MAGI2: variants seen among roughly 807,000 people sequenced by gnomAD.
MAGI2 encodes membrane-associated guanylate kinase, WW and PDZ domain-containing protein 2.
Under a neutral mutation model 133.3 loss-of-function variants are expected in MAGI2, and 35 were observed. The ratio of observed to expected loss-of-function variants is 0.26; its 90% CI spans 0.20 to 0.35. The LOEUF is 0.35. Among genes scored for constraint, MAGI2 ranks in the 10% least tolerant of loss-of-function variants. The pLI is 1.00. For missense variants in MAGI2, 1,636 were observed against 1,863.4 expected (o/e 0.88, Z 2.25); for synonymous variants, 729 against 710.6 (o/e 1.03, Z -0.41).
At chr7:78,359,462 T>C (rs1483214631) in intron 7 of MAGI2, 3 of 152,248 alleles carry the variant, frequency 2.0e-5, no homozygotes, top group African/African-American at 7.2e-5. Context: ...AAAAAAATAG[T>C]TCTTATCCAC....
intron 1 of MAGI2, among the ~76,000 whole-genome samples, chr7:79,402,981 A>G (rs2129164369): frequency 6.6e-6 from 1 of 152,282 alleles, no homozygotes; most frequent in East Asian, 1.9e-4. Context: ...CATCCATAAC[A>G]TGGAGATAAA....
chr7:78,323,187 A>T (rs1311559934), intron 9 of MAGI2, among the ~76,000 whole-genome samples: 2 of 152,196 alleles, frequency 1.3e-5, no homozygotes, highest in Non-Finnish European at 2.9e-5. Flanking sequence ...CTAGGCAAGA[A>T]TATCAAGTAT....
chr7:78,364,015 C>G (rs1169299929), intron 7 of MAGI2, among the ~76,000 whole-genome samples: 1 of 152,012 alleles, frequency 6.6e-6, no homozygotes, highest in East Asian at 1.9e-4. Flanking sequence ...ATTTCTTTCT[C>G]GTCTTTTCCT....
At chr7:79,122,656 T>A (rs576176880) in intron 1 of MAGI2, among the ~76,000 whole-genome samples, 80 of 152,180 alleles carry the variant, frequency 5.3e-4, no homozygotes, top group African/African-American at 1.9e-3. Context: ...TACTTTTTTT[T>A]TTTTTGAGAT....
intron 1 of MAGI2, among the ~76,000 whole-genome samples, chr7:79,156,086 A>G (rs1338992817): frequency 6.6e-6 from 1 of 151,968 alleles, no homozygotes; most frequent in Non-Finnish European, 1.5e-5. Context: ...GATTTTTTTT[A>G]TCTTCCCCAA....
intron 12 of MAGI2, among the ~76,000 whole-genome samples, chr7:78,192,633 T>C (rs1317688143): frequency 6.6e-6 from 1 of 151,970 alleles, no homozygotes; most frequent in East Asian, 1.9e-4. Flanking sequence ...TCCTTAATCT[T>C]CAGTGGTAGA....
chr7:78,255,235 T>C (rs916906025), intron 10 of MAGI2: 2 of 152,882 alleles, frequency 1.3e-5, no homozygotes, highest in Non-Finnish European at 2.9e-5. Flanking sequence ...GCTCAGAGCT[T>C]CTACCACACT....
intron 1 of MAGI2, among the ~76,000 whole-genome samples, chr7:79,207,249 T>C (rs1829132757): frequency 6.6e-6 from 1 of 151,886 alleles, no homozygotes; most frequent in Admixed American, 6.6e-5. Flanking sequence ...TACATAAAAG[T>C]GATCCAAATT....
intron 7 of MAGI2, among the ~76,000 whole-genome samples, chr7:78,351,420 A>C (rs1172972127): frequency 6.6e-6 from 1 of 151,954 alleles, no homozygotes; most frequent in Non-Finnish European, 1.5e-5. Context: ...GAAAAGTGTG[A>C]ATAAGGAAAA....
At chr7:78,686,416 T>C (rs764046770) in intron 2 of MAGI2, among the ~76,000 whole-genome samples, 10 of 152,304 alleles carry the variant, frequency 6.6e-5, no homozygotes, top group Non-Finnish European at 1.5e-4. Flanking sequence ...CCCTTCTTCA[T>C]TAATATTAGC....
rs981414958 is a variant in MAGI2 at position 79,103,521 on chromosome 7, A to C, written c.302-96315T>G. Among the ~76,000 whole-genome samples, 3 of 152,182 alleles carry C rather than the reference A, an allele frequency of 2.0e-5. No homozygotes were observed. The East Asian group carries it at 5.8e-4, about 29-fold the overall frequency. ...TAATAATAAAAATTATTATTGAAAA[A>C]GGGGTCATAAGGTGATGAAGATACA... On this transcript the variant is annotated intron_variant, in intron 1 of 21. Transcript: ENST00000354212.
At chr7:78,634,064 A>G (rs1425888765) in intron 2 of MAGI2, among the ~76,000 whole-genome samples, 1 of 152,214 alleles carries the variant, frequency 6.6e-6, no homozygotes, top group African/African-American at 2.4e-5. Flanking sequence ...AACTTCACTC[A>G]GGCTAACACT....
chr7:78,703,097 A>G (rs1343559040), intron 2 of MAGI2, among the ~76,000 whole-genome samples: 2 of 152,018 alleles, frequency 1.3e-5, no homozygotes, highest in Non-Finnish European at 2.9e-5. Flanking sequence ...AGAAATGCAG[A>G]AGTAAGTGAC....
At chr7:78,172,592 C>T (rs936719271) in intron 14 of MAGI2, among the ~76,000 whole-genome samples, 5 of 152,156 alleles carry the variant, frequency 3.3e-5, no homozygotes, top group Non-Finnish European at 7.3e-5. Context: ...GAAAAATGCC[C>T]GTATGCTTTG....
chr7:79,145,495 G>C (rs1263422547), intron 1 of MAGI2, among the ~76,000 whole-genome samples: 1 of 151,820 alleles, frequency 6.6e-6, no homozygotes. Flanking sequence ...TTTTGAGCAA[G>C]CATCTGCAAA....
At chr7:78,174,303 G>A (rs187928213) in intron 14 of MAGI2, among the ~76,000 whole-genome samples, 2 of 152,262 alleles carry the variant, frequency 1.3e-5, no homozygotes, top group Admixed American at 6.5e-5. Context: ...AGTGTATTCC[G>A]GAACAAACAG....
chr7:79,092,260 A>C (rs1340072434), intron 1 of MAGI2, among the ~76,000 whole-genome samples: 1 of 152,188 alleles, frequency 6.6e-6, no homozygotes, highest in African/African-American at 2.4e-5. Flanking sequence ...TGGCTCCAAC[A>C]GGGCTTTGTT....
At chr7:78,435,845 T>C (rs1405185927) in intron 6 of MAGI2, among the ~76,000 whole-genome samples, 2 of 152,186 alleles carry the variant, frequency 1.3e-5, no homozygotes, top group South Asian at 4.1e-4. Context: ...GGGGAATTTT[T>C]CCAGAGTTTT....
intron 2 of MAGI2, among the ~76,000 whole-genome samples, chr7:78,913,861 C>G (rs893589662): frequency 5.3e-5 from 8 of 152,148 alleles, no homozygotes; most frequent in African/African-American, 1.9e-4. Flanking sequence ...TATGCAAAGT[C>G]TATTTCTTAA....
Sources: gnomAD v4.1 joint callset for allele counts (sites outside exome capture counted in the v4.1 genomes callset) on GRCh38, gnomAD v4.1.1 for gene constraint, MANE v1.5 for transcripts, NCBI Gene and HGNC (gene_info 2026-07-23, HGNC 2026-07-21) for gene names.